The following KAZN variants were observed in gnomAD, a reference collection of about 807,000 sequenced individuals.
KAZN encodes kazrin.
In KAZN, 40 loss-of-function variants were observed where a neutral mutation model predicts 87.4. That is an observed-to-expected ratio of 0.46 (90% CI 0.36 to 0.60). The LOEUF (loss-of-function observed/expected upper bound fraction) is 0.60. Ranked by LOEUF, KAZN falls within the 20% of genes least tolerant of loss-of-function variation. The pLI, the probability that KAZN is intolerant of heterozygous loss-of-function variation, is 0.00. For missense variants in KAZN, 898 were observed against 1,073.9 expected, an observed-to-expected ratio of 0.84 and a Z score of 2.29; for synonymous variants, 466 against 458.3, an observed-to-expected ratio of 1.02 and a Z score of -0.22.
At chr1:14,010,530 G>A (rs896443732) in intron 1 of KAZN, among the ~76,000 whole-genome samples, 14 of 152,194 alleles carry the variant, frequency 9.2e-5, no homozygotes, top group African/African-American at 3.1e-4. Context: ...TCCAAGTCTT[G>A]CAATCCTTTG....
At chr1:13,951,128 T>C (rs1010978280) in intron 1 of KAZN, among the ~76,000 whole-genome samples, 5 of 152,196 alleles carry the variant, frequency 3.3e-5, no homozygotes, top group Non-Finnish European at 7.3e-5. Flanking sequence ...TAGAGATTCT[T>C]TGAGCAAAGA....
chr1:14,729,731 C>T (rs1379831002), intron 1 of KAZN, among the ~76,000 whole-genome samples: 1 of 152,140 alleles, frequency 6.6e-6, no homozygotes, highest in African/African-American at 2.4e-5. Context: ...TTGTTTCAGG[C>T]CAGAGACCTC....
intron 1 of KAZN, among the ~76,000 whole-genome samples, chr1:14,132,655 G>A (rs1251720310): frequency 1.3e-5 from 2 of 152,010 alleles, no homozygotes; most frequent in African/African-American, 4.8e-5. Context: ...CTATACCACT[G>A]TTGAGCCAAA....
rs1225016605 is a variant in KAZN at position 14,108,962 on chromosome 1, G to A, written c.92-71473G>A. Among the ~76,000 whole-genome samples the A allele has an allele frequency of 4.6e-5, 7 of 152,160 alleles. No individual in the cohort carries two copies. The South Asian group carries it at 8.3e-4, about 18-fold the overall frequency. On this transcript the variant is annotated intron_variant, in intron 1 of 16. Transcript: ENST00000636203. ...GATTTTAAGATGCTTTTAAAAAATC[G>A]TGTGTATGAGTGTTTCACAGCCAGG...
chr1:14,274,111 G>A (rs1380140717), intron 2 of KAZN, among the ~76,000 whole-genome samples: 1 of 152,162 alleles, frequency 6.6e-6, no homozygotes, highest in Non-Finnish European at 1.5e-5. Flanking sequence ...TTTGTTGTCT[G>A]CCTTTGAACA....
chr1:14,452,126 G>C (rs1244103081), intron 2 of KAZN, among the ~76,000 whole-genome samples: 1 of 152,082 alleles, frequency 6.6e-6, no homozygotes, highest in Non-Finnish European at 1.5e-5. Context: ...TTTTAGAAGA[G>C]ATGGGGTTTC....
At chr1:14,584,658 T>TC (rs1196018002) in intron 2 of KAZN, among the ~76,000 whole-genome samples, 1 of 151,898 alleles carries the variant, frequency 6.6e-6, no homozygotes, top group Non-Finnish European at 1.5e-5. Flanking sequence ...TCTTTTTTTT[T>TC]TTGAGACAAA....
chr1:14,914,120 G>A (rs1482797737), intron 1 of KAZN, among the ~76,000 whole-genome samples: 4 of 152,232 alleles, frequency 2.6e-5, no homozygotes, highest in African/African-American at 9.6e-5. Flanking sequence ...TGTGGAAACA[G>A]ACTGTTGGGC....
chr1:14,400,134 G>T (rs1663275753), intron 2 of KAZN, among the ~76,000 whole-genome samples: 2 of 152,082 alleles, frequency 1.3e-5, no homozygotes, highest in African/African-American at 2.4e-5. Context: ...ATCCTCCAGG[G>T]ATACCCAGGA....
At chr1:14,333,832 G>A (rs546130019) in intron 2 of KAZN, among the ~76,000 whole-genome samples, 2 of 152,180 alleles carry the variant, frequency 1.3e-5, no homozygotes, top group African/African-American at 4.8e-5. Flanking sequence ...GTGTCTGGGG[G>A]AAGTTTTCCA....
At chr1:14,138,993 T>C (rs1250164597) in intron 1 of KAZN, among the ~76,000 whole-genome samples, 1 of 152,228 alleles carries the variant, frequency 6.6e-6, no homozygotes, top group Non-Finnish European at 1.5e-5. Flanking sequence ...ATGAAGTTAA[T>C]GTCTGGGCTG....
chr1:14,232,568 T>C (rs183937193), intron 2 of KAZN, among the ~76,000 whole-genome samples: 1 of 152,292 alleles, frequency 6.6e-6, no homozygotes, highest in East Asian at 1.9e-4. Context: ...TTAAGATTGC[T>C]TCTTCATAGC....
intron 1 of KAZN, among the ~76,000 whole-genome samples, chr1:14,102,486 G>T: frequency 6.6e-6 from 1 of 151,956 alleles, no homozygotes; most frequent in Admixed American, 6.6e-5. Context: ...CCTAGTTCCT[G>T]CTCTCCAAGC....
Position 13,956,806 on chromosome 1 carries a change from G to C in KAZN, c.91+63050G>C, listed in dbSNP as rs117011496. Among the ~76,000 whole-genome samples, 69 of 152,304 alleles carry C rather than the reference G, an allele frequency of 4.5e-4. 3 individuals carry two copies. The East Asian group carries it at 8.1e-3, about 18-fold the overall frequency. On this transcript the variant is annotated intron_variant, in intron 1 of 16. Coordinates refer to the KAZN transcript ENST00000636203. ...GAAGATGTGGGAAGAGATTGAGGGA[G>C]CTGCTCACCTGTGTTTTGTTTTTTA... is the stretch of plus-strand genomic sequence containing the variant.
chr1:14,866,023 A>G (rs950526739), intron 1 of KAZN, among the ~76,000 whole-genome samples: 12 of 152,144 alleles, frequency 7.9e-5, no homozygotes, highest in African/African-American at 2.9e-4. Flanking sequence ...CTGCAAGATG[A>G]TACATTTCCG....
intron 1 of KAZN, among the ~76,000 whole-genome samples, chr1:14,957,442 C>A (rs1269640417): frequency 6.6e-6 from 1 of 152,342 alleles, no homozygotes; most frequent in South Asian, 2.1e-4. Context: ...GTCACTGTTT[C>A]CAGCGCTGAA....
At chr1:14,052,853 G>A (rs1642399194) in intron 1 of KAZN, among the ~76,000 whole-genome samples, 2 of 152,228 alleles carry the variant, frequency 1.3e-5, no homozygotes, top group Admixed American at 1.3e-4. Context: ...GGAACAGCCA[G>A]TGAAGTGCTC....
intron 1 of KAZN, among the ~76,000 whole-genome samples, chr1:14,615,426 G>A (rs978196260): frequency 1.1e-4 from 17 of 152,238 alleles, no homozygotes; most frequent in African/African-American, 3.9e-4. Flanking sequence ...CCAGGAGTTC[G>A]AGACCAGCCT....
intron 2 of KAZN, among the ~76,000 whole-genome samples, chr1:14,591,288 T>C (rs1676184260): frequency 6.6e-6 from 1 of 152,062 alleles, no homozygotes; most frequent in African/African-American, 2.4e-5. Context: ...GGTGGAAATA[T>C]TTGTCTCTGG....
Sources: allele counts gnomAD v4.1 joint callset (sites outside exome capture counted in the v4.1 genomes callset), GRCh38; gene constraint gnomAD v4.1.1; transcripts MANE v1.5; gene names NCBI Gene and HGNC (gene_info 2026-07-23, HGNC 2026-07-21).